Variants in CDH12 observed in about 807,000 individuals in gnomAD.
CDH12 encodes cadherin 12, also known as cadherin-12.
CDH12 carries 41 observed loss-of-function variants against 74.1 expected under a neutral mutation model. The ratio of observed to expected loss-of-function variants is 0.55; its 90% CI spans 0.43 to 0.72. The LOEUF is 0.72. Ranked by LOEUF, CDH12 falls within the 30% of genes least tolerant of loss-of-function variation. CDH12 has a pLI of 0.00. For synonymous variants in CDH12, 399 were observed against 355.0 expected (o/e 1.12, Z -1.39); for missense variants, 945 against 977.2 (o/e 0.97, Z 0.44).
intron 3 of CDH12, among the ~76,000 whole-genome samples, chr5:22,332,266 G>GA (rs545744116): frequency 1.3e-3 from 197 of 151,682 alleles, no homozygotes; most frequent in African/African-American, 3.9e-3. Flanking sequence ...GTCAGCAAAA[G>GA]AAAAAAAATA....
Position 22,172,553 on chromosome 5 carries a change from C to A in CDH12, c.-187+39945G>T, listed in dbSNP as rs372194733. 6 of 151,938 alleles carry A rather than the reference C, an allele frequency of 3.9e-5. No individual in the cohort carries two copies. In the South Asian group the frequency reaches 6.2e-4, roughly 16 times the overall value. The allele number at this position is 151,938 out of a possible 1,614,324, so 9.4% of individuals were successfully genotyped here. A position where few individuals can be genotyped will look rare whatever the true frequency, so the allele number is the denominator to read the frequency against. On this transcript the variant is annotated intron_variant, in intron 4 of 14. Transcript: ENST00000382254. ...AGAGGACTAAAAGGTTCATAGTTAG[C>A]TAAATTAGTCAAGATTCACTTCTTT...
At chr5:22,024,128 T>C (rs1055239222) in intron 5 of CDH12, among the ~76,000 whole-genome samples, 4 of 151,988 alleles carry the variant, frequency 2.6e-5, no homozygotes, top group African/African-American at 9.7e-5. Context: ...AATAATTGAG[T>C]TTTAGCGACT....
intron 2 of CDH12, among the ~76,000 whole-genome samples, chr5:22,441,382 T>G (rs1028454388): frequency 6.6e-6 from 1 of 152,144 alleles, no homozygotes; most frequent in African/African-American, 2.4e-5. Flanking sequence ...TGAAGATATT[T>G]TTTTTTTGGT....
At chr5:22,736,547 T>C (rs1424861024) in intron 1 of CDH12, among the ~76,000 whole-genome samples, 1 of 151,842 alleles carries the variant, frequency 6.6e-6, no homozygotes, top group Non-Finnish European at 1.5e-5. Flanking sequence ...ATGTTGTCTG[T>C]TAGAGTCAGC....
intron 2 of CDH12, among the ~76,000 whole-genome samples, chr5:22,438,799 A>C (rs1434554659): frequency 1.3e-5 from 2 of 151,858 alleles, no homozygotes; most frequent in Admixed American, 1.3e-4. Context: ...TTACTATAAT[A>C]CCTACTTTGG....
At chr5:22,532,229 G>A (rs898103904) in intron 1 of CDH12, among the ~76,000 whole-genome samples, 42 of 150,382 alleles carry the variant, frequency 2.8e-4, no homozygotes, top group African/African-American at 8.3e-4. Context: ...TCCTTTGTAC[G>A]TTTTCAAGGA....
At chr5:22,728,260 A>G (rs1744264553) in intron 1 of CDH12, among the ~76,000 whole-genome samples, 1 of 151,614 alleles carries the variant, frequency 6.6e-6, no homozygotes, top group Admixed American at 6.6e-5. Flanking sequence ...GAATTCTGAC[A>G]TGTAACTTTT....
At chr5:22,309,939 T>G (rs1738306774) in intron 3 of CDH12, among the ~76,000 whole-genome samples, 1 of 123,788 alleles carries the variant, frequency 8.1e-6, no homozygotes, top group African/African-American at 3.1e-5. Flanking sequence ...AATAAACAAT[T>G]ATCAAGTTTA....
At chr5:22,533,936 G>C (rs1428605228) in intron 1 of CDH12, among the ~76,000 whole-genome samples, 2 of 152,114 alleles carry the variant, frequency 1.3e-5, no homozygotes, top group Non-Finnish European at 2.9e-5. Flanking sequence ...TTGCATTTAT[G>C]AAACTTTCCT....
intron 1 of CDH12, among the ~76,000 whole-genome samples, chr5:22,670,165 C>G (rs1401471272): frequency 1.3e-5 from 2 of 151,972 alleles, no homozygotes; most frequent in African/African-American, 4.8e-5. Flanking sequence ...GTAGACCCAG[C>G]AGCTTTTTGT....
At chr5:22,473,499 A>G (rs890104428) in intron 2 of CDH12, among the ~76,000 whole-genome samples, 30 of 152,118 alleles carry the variant, frequency 2.0e-4, no homozygotes, top group African/African-American at 7.0e-4. Context: ...AATATTTTCT[A>G]TTTTGTAAAG....
rs145443114 is a variant in CDH12, at chr5:22,334,868, A to G, written c.-333+70389T>C. Among the ~76,000 whole-genome samples the G allele has an allele frequency of 7.1e-3, 1,074 of 152,310 alleles. 9 individuals carry two copies. The highest frequency in any genetic ancestry group is 0.025 in the African/African-American group (1,028 of 41,580). ...AAGTCAAAATGTATTAAAGACTTAA[A>G]TCTAAGGCCTCAAACTATAAAAATA... On this transcript the variant is annotated intron_variant, in intron 3 of 14. Transcript: ENST00000382254.
chr5:21,982,550 T>C (rs1185709537), intron 5 of CDH12, among the ~76,000 whole-genome samples: 2 of 151,886 alleles, frequency 1.3e-5, no homozygotes, highest in South Asian at 2.1e-4. Flanking sequence ...TAGAGATCCA[T>C]ATATATCCTC....
chr5:22,626,889 AT>A, intron 1 of CDH12, among the ~76,000 whole-genome samples: 1 of 152,328 alleles, frequency 6.6e-6, no homozygotes, highest in African/African-American at 2.4e-5. Flanking sequence ...CAAAATAACT[AT>A]TTTTAAGAAA....
chr5:22,277,379 G>A (rs1736680023), intron 3 of CDH12, among the ~76,000 whole-genome samples: 1 of 152,126 alleles, frequency 6.6e-6, no homozygotes. Context: ...GGGCCCTGAG[G>A]ACCCTGGCTT....
At chr5:22,315,778 G>A (rs965550755) in intron 3 of CDH12, among the ~76,000 whole-genome samples, 4 of 152,284 alleles carry the variant, frequency 2.6e-5, no homozygotes, top group African/African-American at 9.6e-5. Context: ...GATGGAAGAG[G>A]AACAGGAGAG....
At chr5:22,431,198 C>CA (rs1345361243) in intron 2 of CDH12, among the ~76,000 whole-genome samples, 2 of 152,106 alleles carry the variant, frequency 1.3e-5, no homozygotes, top group African/African-American at 4.8e-5. Context: ...AGGCACACAG[C>CA]AATCAAATAT....
chr5:22,414,322 T>C (rs1439392406), intron 2 of CDH12, among the ~76,000 whole-genome samples: 1 of 151,962 alleles, frequency 6.6e-6, no homozygotes, highest in Non-Finnish European at 1.5e-5. Flanking sequence ...CTCTATCAAT[T>C]ACTGTTTTAA....
At chr5:22,019,715 G>C (rs778093645) in intron 5 of CDH12, among the ~76,000 whole-genome samples, 1 of 152,176 alleles carries the variant, frequency 6.6e-6, no homozygotes, top group Non-Finnish European at 1.5e-5. Context: ...AAGCCATCCA[G>C]TCCATGATAG....
Sources: gnomAD v4.1 joint callset for allele counts (sites outside exome capture counted in the v4.1 genomes callset) on GRCh38, gnomAD v4.1.1 for gene constraint, MANE v1.5 for transcripts, NCBI Gene and HGNC (gene_info 2026-07-23, HGNC 2026-07-21) for gene names.